Variants in SEMA3C observed in about 807,000 individuals in gnomAD.
The protein encoded by SEMA3C is semaphorin 3C, also known as semaphorin-3C.
Under a neutral mutation model 89.4 loss-of-function variants are expected in SEMA3C, and 47 were observed. That is an observed-to-expected ratio of 0.53 (90% CI 0.42 to 0.67). The LOEUF (loss-of-function observed/expected upper bound fraction) is 0.67, where lower values mean the gene tolerates loss of function less well. Among genes scored for constraint, SEMA3C ranks in the 30% least tolerant of loss-of-function variants. The pLI is 0.00. For synonymous variants in SEMA3C, 310 were observed against 320.2 expected (o/e 0.97, Z 0.34); for missense variants, 839 against 929.1 (o/e 0.90, Z 1.26).
chr7:80,840,518 G>GAA lies in SEMA3C; in HGVS notation c.104-11775_104-11774dup, dbSNP rs1171113816. On this transcript the variant is annotated intron_variant, in intron 2 of 17. Coordinates refer to ENST00000265361, the MANE Select transcript of SEMA3C (RefSeq NM_006379.5). ...TAGGTGACAGAGCACCTGTCTCCAGGAAAAAAAAAAAAAAAAAAAAAAAAA... is the reference window on the plus strand; with the variant it reads ...TAGGTGACAGAGCACCTGTCTCCAGGAAAAAAAAAAAAAAAAAAAAAAAAAAA... Among the ~76,000 whole-genome samples the GAA allele has an allele frequency of 3.3e-3, 269 of 82,400 alleles. 3 individuals are homozygous for GAA. Among genetic ancestry groups the GAA allele is most frequent in the African/African-American group, 9.4e-3 (191 of 20,296 alleles). 54.1% of individuals were successfully genotyped at this position (82,400 alleles called of 152,430 possible).
intron 4 of SEMA3C, among the ~76,000 whole-genome samples, chr7:80,822,046 G>C (rs1372032233): frequency 1.3e-5 from 2 of 152,118 alleles, no homozygotes; most frequent in Non-Finnish European, 2.9e-5. Context: ...TGCTGCCTTC[G>C]TTTCTGACCT....
chr7:80,844,983 C>G lies in SEMA3C; in HGVS notation c.104-16238G>C, dbSNP rs561033629. Among the ~76,000 whole-genome samples, 4 of 152,180 alleles carry G rather than the reference C, an allele frequency of 2.6e-5. No individual in the cohort carries two copies. In the East Asian group the frequency reaches 7.8e-4, roughly 30 times the overall value. On this transcript the variant is annotated intron_variant, in intron 2 of 17. Transcript: ENST00000265361. ...TTTGTCAGGGGGTTCATGATCTCGC[C>G]GCTTGAGGAGAATTTTCCAAATGAA...
At chr7:80,910,762 C>T (rs987846916) in intron 2 of SEMA3C, among the ~76,000 whole-genome samples, 3 of 147,700 alleles carry the variant, frequency 2.0e-5, no homozygotes, top group Non-Finnish European at 3.0e-5. Context: ...TTTACAACCT[C>T]CTTATATAAA....
At chr7:80,922,348 T>G, upstream of SEMA3C, 1 of 1,218,668 alleles carries the variant, frequency 8.2e-7, no homozygotes, top group Non-Finnish European at 1.1e-6. Context: ...CCTTTTAAGT[T>G]TCCTGAACTG....
chr7:80,779,294 C>T (rs1056752593), intron 12 of SEMA3C, among the ~76,000 whole-genome samples: 1 of 152,122 alleles, frequency 6.6e-6, no homozygotes, highest in Non-Finnish European at 1.5e-5. Context: ...TCAATTTAGA[C>T]TCTCATGCAT....
chr7:80,804,802 G>A (rs1349713004), intron 7 of SEMA3C, among the ~76,000 whole-genome samples: 1 of 152,104 alleles, frequency 6.6e-6, no homozygotes, highest in African/African-American at 2.4e-5. Flanking sequence ...GGAATAATCT[G>A]AATAAGTAAA....
At chr7:80,863,886 T>TATCACACAC (rs1562912102) in intron 2 of SEMA3C, among the ~76,000 whole-genome samples, 12 of 122,470 alleles carry the variant, frequency 9.8e-5, no homozygotes, top group African/African-American at 4.4e-4. Flanking sequence ...GTATCACATA[T>TATCACACAC]ATATCACACA....
chr7:80,768,386 C>T (rs906116207), intron 12 of SEMA3C, among the ~76,000 whole-genome samples: 7 of 152,018 alleles, frequency 4.6e-5, no homozygotes, highest in Admixed American at 2.0e-4. Flanking sequence ...TGCTGGCAGG[C>T]GCCTGTAGTC....
chr7:80,845,303 C>G (rs541020416), intron 2 of SEMA3C, among the ~76,000 whole-genome samples: 1 of 151,894 alleles, frequency 6.6e-6, no homozygotes, highest in East Asian at 1.9e-4. Context: ...TCATCTTTCA[C>G]TTTTTTTGAA....
chr7:80,789,231 GGC>G, intron 12 of SEMA3C, 73 bp downstream of exon 12: 1 of 1,153,756 alleles, frequency 8.7e-7, no homozygotes, highest in Non-Finnish European at 1.3e-6. Flanking sequence ...TCAAGATCAT[GGC>G]CCTTACCTAC....
chr7:80,789,632 T>C (rs1213988054), intron 11 of SEMA3C, 104 bp from the exon 12 acceptor site: 1 of 760,014 alleles, frequency 1.3e-6, no homozygotes, highest in Non-Finnish European at 2.1e-6. Context: ...CTCCAGTTGT[T>C]TTAAGTATAT....
At chr7:80,836,286 T>C (rs1451248711) in intron 2 of SEMA3C, among the ~76,000 whole-genome samples, 1 of 152,194 alleles carries the variant, frequency 6.6e-6, no homozygotes, top group Non-Finnish European at 1.5e-5. Flanking sequence ...CCCCTTTTCT[T>C]TGCTTTTTGA....
chr7:80,764,511 C>A (rs751558599), intron 13 of SEMA3C, among the ~76,000 whole-genome samples: 1 of 152,160 alleles, frequency 6.6e-6, no homozygotes, highest in Non-Finnish European at 1.5e-5. Flanking sequence ...AAAGAACATG[C>A]ACTCTGCCCT....
At chr7:80,764,965 G>A (rs1054396275) in intron 13 of SEMA3C, among the ~76,000 whole-genome samples, 190 bp downstream of exon 13, 11 of 152,174 alleles carry the variant, frequency 7.2e-5, no homozygotes, top group African/African-American at 2.7e-4. Context: ...AACTTGAAAT[G>A]TAGGAAAATA....
At chr7:80,907,835 T>C (rs1011668663) in intron 2 of SEMA3C, among the ~76,000 whole-genome samples, 5 of 151,974 alleles carry the variant, frequency 3.3e-5, no homozygotes, top group African/African-American at 4.8e-5. Flanking sequence ...CGTACATCTA[T>C]CTACAAGGGC....
At chr7:80,879,221 G>C (rs1447746093) in intron 2 of SEMA3C, among the ~76,000 whole-genome samples, 1 of 152,010 alleles carries the variant, frequency 6.6e-6, no homozygotes, top group Admixed American at 6.6e-5. Flanking sequence ...AAAAAATAAA[G>C]AAAAACAATG....
At chr7:80,821,644 T>TTTTTATAAGTTAATACTGATA (rs1253171901) in intron 4 of SEMA3C, among the ~76,000 whole-genome samples, 1 of 152,194 alleles carries the variant, frequency 6.6e-6, no homozygotes, top group Non-Finnish European at 1.5e-5. Flanking sequence ...TGCACAGTTG[T>TTTTTATAAGTTAATACTGATA]TTTTATAAGT....
chr7:80,890,244 T>A (rs865919057), intron 2 of SEMA3C, among the ~76,000 whole-genome samples: 16 of 152,044 alleles, frequency 1.1e-4, no homozygotes, highest in African/African-American at 3.6e-4. Context: ...GTTTTTATAA[T>A]CTCCTCAATG....
In SEMA3C at chr7:80,810,682, T is replaced by G. The variant is rs773035777; in HGVS notation, c.467A>C (p.Asp156Ala). The change falls in exon 6 of 18, where the codon GAC becomes GCC. Residue 156 changes from aspartate to alanine, a missense_variant. By Grantham distance (126) the Asp-to-Ala change is moderately radical. Transcript: ENST00000265361. ...RRSEDQVFMI[D>A]SKCESGKGRC... ...TCCTTTTCCAGATTCACACTTGGAG[T>G]CAATCATGAAAACTTGGTCCTTTAT... 15 of 1,613,370 alleles carry G rather than the reference T, an allele frequency of 9.3e-6. No individual in the cohort carries two copies. The East Asian group carries it at 3.1e-4, about 34-fold the overall frequency.
Sources: gnomAD v4.1 joint callset for allele counts (sites outside exome capture counted in the v4.1 genomes callset) on GRCh38, gnomAD v4.1.1 for gene constraint, MANE v1.5 for transcripts, NCBI Gene and HGNC (gene_info 2026-07-23, HGNC 2026-07-21) for gene names.